Variants in SBF2 observed in about 807,000 individuals in gnomAD.
The protein encoded by SBF2 is SET binding factor 2, also known as myotubularin-related protein 13.
In SBF2, 112 loss-of-function variants were observed where a neutral mutation model predicts 225.2. The ratio of observed to expected loss-of-function variants is 0.50; its 90% CI spans 0.43 to 0.58. SBF2 has a LOEUF of 0.58. SBF2 is among the 20% of genes least tolerant of loss of function. The pLI is 0.00. For synonymous variants in SBF2, 763 were observed against 773.3 expected (o/e 0.99, Z 0.22); for missense variants, 1,996 against 2,206.2 (o/e 0.90, Z 1.91).
chr11:10,072,274 CA>C (rs1799616966), intron 2 of SBF2, among the ~76,000 whole-genome samples: 1 of 152,118 alleles, frequency 6.6e-6, no homozygotes, highest in Admixed American at 6.6e-5. Flanking sequence ...CAAAACTTCA[CA>C]AACGGTTTCT....
At chr11:9,940,462 C>T (rs1317207942) in intron 16 of SBF2, among the ~76,000 whole-genome samples, 2 of 152,098 alleles carry the variant, frequency 1.3e-5, no homozygotes, top group Non-Finnish European at 2.9e-5. Flanking sequence ...GGTGGTGGTG[C>T]AGCCAGTCTA....
chr11:10,051,440 G>A (rs889493686), intron 2 of SBF2, among the ~76,000 whole-genome samples: 1 of 151,972 alleles, frequency 6.6e-6, no homozygotes, highest in Non-Finnish European at 1.5e-5. Flanking sequence ...AAATTCCAAG[G>A]ATCAATTTTC....
At chr11:9,822,659 G>A (rs1257464396) in intron 28 of SBF2, among the ~76,000 whole-genome samples, 2 of 152,148 alleles carry the variant, frequency 1.3e-5, no homozygotes, top group East Asian at 1.9e-4. Flanking sequence ...ATATGACACA[G>A]TTCATTTTCC....
chr11:10,252,364 C>T (rs769485237), intron 1 of SBF2, among the ~76,000 whole-genome samples: 75 of 152,160 alleles, frequency 4.9e-4, no homozygotes, highest in Admixed American at 9.2e-4. Flanking sequence ...TCCTTGTGGA[C>T]GAACTGCAAC....
In SBF2 at chr11:10,287,273, A is replaced by G. The variant is rs181852074; in HGVS notation, c.55+6742T>C. On this transcript the variant is annotated intron_variant, in intron 1 of 39. Transcript: ENST00000256190. Reference sequence around the variant, plus strand: ...TTTTGGAAGCATGAAAATGTTCCCTATCTATCTATCTATCTACCTATTTTT... The same window carrying G: ...TTTTGGAAGCATGAAAATGTTCCCTGTCTATCTATCTATCTACCTATTTTT... 3.7e-4 allele frequency among the ~76,000 whole-genome samples: 57 copies of G among 152,228 alleles called. 1 individual carries two copies. The highest frequency in any genetic ancestry group is 1.2e-3 in the African/African-American group (51 of 41,536).
chr11:10,204,294 C>A (rs1957670933), intron 1 of SBF2, among the ~76,000 whole-genome samples: 1 of 146,044 alleles, frequency 6.8e-6, no homozygotes, highest in African/African-American at 2.5e-5. Context: ...AAATATCCTT[C>A]AAAAAAAAAG....
intron 2 of SBF2, among the ~76,000 whole-genome samples, chr11:10,148,486 C>T (rs903677198): frequency 3.3e-5 from 5 of 149,486 alleles, no homozygotes; most frequent in Middle Eastern, 3.2e-3. Context: ...CATTATTTAA[C>T]TCACTAAATA....
intron 8 of SBF2, 63 bp downstream of exon 8, chr11:10,000,851 A>G: frequency 1.2e-6 from 1 of 844,146 alleles, no homozygotes; most frequent in South Asian, 1.4e-5. Context: ...ATGTTATAGG[A>G]CCCAAAGAAA....
intron 16 of SBF2, among the ~76,000 whole-genome samples, chr11:9,941,564 C>T (rs900758826): frequency 6.6e-6 from 1 of 152,074 alleles, no homozygotes; most frequent in Non-Finnish European, 1.5e-5. Flanking sequence ...AAAATAATTG[C>T]ACATTAAGAA....
intron 1 of SBF2, among the ~76,000 whole-genome samples, chr11:10,198,367 GA>G (rs1957453543): frequency 6.6e-6 from 1 of 152,168 alleles, no homozygotes; most frequent in Non-Finnish European, 1.5e-5. Context: ...AATATTTTGA[GA>G]GGAATATTTT....
At chr11:10,166,684 T>C (rs1955964579) in intron 2 of SBF2, among the ~76,000 whole-genome samples, 1 of 152,110 alleles carries the variant, frequency 6.6e-6, no homozygotes, top group South Asian at 2.1e-4. Flanking sequence ...GCAAATTAGC[T>C]GGGCATGGTG....
At chr11:9,790,777 A>G (rs1038952221) in intron 33 of SBF2, 94 bp from the exon 34 acceptor site, 2 of 967,690 alleles carry the variant, frequency 2.1e-6, no homozygotes, top group Admixed American at 2.2e-5. Flanking sequence ...AAAGTGGAAT[A>G]TTTTTTATGG....
At chr11:9,912,649 C>G (rs1443665469) in intron 16 of SBF2, among the ~76,000 whole-genome samples, 1 of 152,206 alleles carries the variant, frequency 6.6e-6, no homozygotes, top group Non-Finnish European at 1.5e-5. Flanking sequence ...TGGCCCACCA[C>G]AATTCTTCTT....
At chr11:9,845,305 A>AT (rs758780832) in intron 24 of SBF2, among the ~76,000 whole-genome samples, 2 of 152,220 alleles carry the variant, frequency 1.3e-5, no homozygotes, top group Admixed American at 6.5e-5. Flanking sequence ...AAAAGAGAAA[A>AT]TAGAATTTCA....
chr11:9,780,124 C>T lies in SBF2; in HGVS notation c.*294G>A. The T allele has an allele frequency of 2.4e-6, 1 of 409,098 alleles. No individual in the cohort carries two copies. The highest frequency in any genetic ancestry group is 4.6e-6 in the Non-Finnish European group (1 of 217,152). The allele number at this position is 409,098 out of a possible 1,614,324, so 25.3% of individuals were successfully genotyped here. ...ACCCAAGTAGGTGGTAGCCATTTTG[C>T]CTGGGTGAGGTTCACAGTTGGCTCA... On this transcript the variant is annotated 3_prime_UTR_variant, in exon 40 of 40. Coordinates refer to ENST00000256190, the MANE Select transcript of SBF2 (RefSeq NM_030962.4).
chr11:10,238,379 C>T (rs1236668322), intron 1 of SBF2, among the ~76,000 whole-genome samples: 1 of 151,632 alleles, frequency 6.6e-6, no homozygotes, highest in East Asian at 1.9e-4. Flanking sequence ...CACTGCACTC[C>T]GGCCTGGGCA....
At chr11:9,861,605 A>T (rs148534985) in intron 17 of SBF2, among the ~76,000 whole-genome samples, 4,693 of 150,410 alleles carry the variant, frequency 0.031, 100 homozygotes, top group Non-Finnish European at 0.049. Flanking sequence ...TGGAGGTTGC[A>T]GTGAGCTGAG....
At chr11:10,066,053 A>G (rs528430450) in intron 2 of SBF2, among the ~76,000 whole-genome samples, 97 of 152,280 alleles carry the variant, frequency 6.4e-4, no homozygotes, top group African/African-American at 2.3e-3. Context: ...ATAAAACTAT[A>G]GTTAAAAAAC....
intron 32 of SBF2, among the ~76,000 whole-genome samples, chr11:9,799,714 C>T (rs760157144): frequency 6.6e-6 from 1 of 152,128 alleles, no homozygotes. Context: ...TGAACTCTTA[C>T]GGTGCTTAGA....
Sources: gnomAD v4.1 joint callset for allele counts (sites outside exome capture counted in the v4.1 genomes callset) on GRCh38, gnomAD v4.1.1 for gene constraint, MANE v1.5 for transcripts, NCBI Gene and HGNC (gene_info 2026-07-23, HGNC 2026-07-21) for gene names.